AAK1: variants seen among roughly 807,000 people sequenced by gnomAD.
AAK1 encodes the protein AP2 associated kinase 1.
AAK1 carries 37 observed loss-of-function variants against 116.0 expected under a neutral mutation model. The observed-to-expected ratio is 0.32, with a 90% CI of 0.25 to 0.42. AAK1 has a LOEUF of 0.42. Among genes scored for constraint, AAK1 ranks in the 10% least tolerant of loss-of-function variants. The probability of loss-of-function intolerance (pLI) is 1.00; values close to 1 mark genes in which losing one functional copy is unlikely to be tolerated. For missense variants in AAK1, 919 were observed against 1,170.6 expected (o/e 0.79, Z 3.14); for synonymous variants, 458 against 439.9 (o/e 1.04, Z -0.51).
chr2:69,639,928 T>A (rs1166609950), intron 2 of AAK1, among the ~76,000 whole-genome samples: 1 of 151,924 alleles, frequency 6.6e-6, no homozygotes, highest in Non-Finnish European at 1.5e-5. Flanking sequence ...AAAGAACATC[T>A]GGCTCTGTCC....
intron 2 of AAK1, among the ~76,000 whole-genome samples, chr2:69,578,842 C>T (rs1365596922): frequency 2.0e-5 from 3 of 149,152 alleles, no homozygotes; most frequent in African/African-American, 5.0e-5. Flanking sequence ...CTCGCTCTGT[C>T]GCCCAGGCTG....
chr2:69,609,131 G>A (rs1004521961), intron 2 of AAK1, among the ~76,000 whole-genome samples: 1 of 152,200 alleles, frequency 6.6e-6, no homozygotes, highest in Non-Finnish European at 1.5e-5. Context: ...GGAGGCCAAG[G>A]CAGGCGGATC....
chr2:69,587,300 T>A (rs1252200307), intron 2 of AAK1, among the ~76,000 whole-genome samples: 1 of 150,508 alleles, frequency 6.6e-6, no homozygotes, highest in Admixed American at 6.6e-5. Context: ...CACACGTATA[T>A]ACGCATGTAT....
rs1294945023 is a variant in AAK1, at chr2:69,505,594, A to G, written c.2244T>C (p.Ala748=). The G allele has an allele frequency of 1.2e-6, 2 of 1,613,716 alleles. No homozygotes were observed. The highest frequency in any genetic ancestry group is 1.7e-6 in the Non-Finnish European group (2 of 1,179,780). The change falls in exon 16 of 22, where the codon GCT becomes GCC. Residue 748 remains alanine (A), a synonymous_variant. Transcript: ENST00000409085. ...CAGTTCCAGCAGAAAATGAGGTCGTAGCAAAAGCATCACCTTGGGTTGATT... is the reference window on the plus strand; with the variant it reads ...CAGTTCCAGCAGAAAATGAGGTCGTGGCAAAAGCATCACCTTGGGTTGATT... ...GFQSTQGDAF[A]TTSFSAGTAE...
intron 10 of AAK1, among the ~76,000 whole-genome samples, chr2:69,522,153 A>C (rs1669813896): frequency 6.6e-6 from 1 of 152,250 alleles, no homozygotes; most frequent in Non-Finnish European, 1.5e-5. Flanking sequence ...TACCTAACTC[A>C]GATCAGAGTT....
chr2:69,587,012 C>T (rs1672795917), intron 2 of AAK1, among the ~76,000 whole-genome samples: 1 of 152,066 alleles, frequency 6.6e-6, no homozygotes, highest in African/African-American at 2.4e-5. Context: ...TCTTCCATAT[C>T]TTCTGCCTTT....
At chr2:69,482,860 T>G in intron 17 of AAK1, 48 bp from the exon 18 acceptor site, 3 of 1,197,850 alleles carry the variant, frequency 2.5e-6, no homozygotes, top group South Asian at 2.5e-5. Context: ...TAGTAAGATA[T>G]TAAAGCCAGC....
In AAK1 at chr2:69,519,358, T is replaced by C. The variant is rs143380058; in HGVS notation, c.1211-118A>G. On this transcript the variant is annotated intron_variant, in intron 11 of 21. Transcript: ENST00000409085. ...AGTGTGCAGAGTATCTCAAGATTCG[T>C]GTCCTCCTCACTGTCTTTCCACATG... is the stretch of plus-strand genomic sequence containing the variant. 10 of 1,348,354 alleles carry C rather than the reference T, an allele frequency of 7.4e-6. No individual in the cohort carries two copies. The East Asian group carries it at 2.3e-4, about 32-fold the overall frequency. 83.5% of individuals were successfully genotyped at this position (1,348,354 alleles called of 1,614,324 possible). A position where few individuals can be genotyped will look rare whatever the true frequency, so the allele number is the denominator to read the frequency against.
intron 5 of AAK1, among the ~76,000 whole-genome samples, chr2:69,538,387 T>G (rs1229953239): frequency 1.3e-5 from 2 of 152,228 alleles, no homozygotes; most frequent in African/African-American, 4.8e-5. Context: ...CCCACCGACC[T>G]ACTCAGCATC....
intron 2 of AAK1, among the ~76,000 whole-genome samples, chr2:69,569,671 C>A (rs755742359): frequency 1.2e-4 from 18 of 152,104 alleles, no homozygotes; most frequent in Non-Finnish European, 2.2e-4. Context: ...CATAGGCAAC[C>A]GCTGTTCTGA....
chr2:69,641,281 C>T (rs1167455475), intron 2 of AAK1, among the ~76,000 whole-genome samples: 1 of 152,184 alleles, frequency 6.6e-6, no homozygotes, highest in African/African-American at 2.4e-5. Flanking sequence ...TTCTGTGGCC[C>T]TTCGTTTCTC....
chr2:69,612,441 A>G (rs1393978580), intron 2 of AAK1, among the ~76,000 whole-genome samples: 1 of 152,240 alleles, frequency 6.6e-6, no homozygotes, highest in Non-Finnish European at 1.5e-5. Flanking sequence ...TAATTCCAAC[A>G]GGCACTTGCT....
At chr2:69,546,393 T>G (rs1670926085) in intron 3 of AAK1, among the ~76,000 whole-genome samples, 1 of 152,210 alleles carries the variant, frequency 6.6e-6, no homozygotes. Context: ...TAGTGGCCTA[T>G]CCTTCCCTCT....
chr2:69,495,699 C>G (rs1188554312), intron 17 of AAK1, among the ~76,000 whole-genome samples: 1 of 152,106 alleles, frequency 6.6e-6, no homozygotes, highest in Non-Finnish European at 1.5e-5. Context: ...AATACAGAGG[C>G]CCCTCACGTC....
rs1559028981 is a variant in AAK1, at chr2:69,643,205, T to C, written c.-165A>G. Reference sequence around the variant, plus strand: ...GGTGGGGGCTGAGGGAGGATGCCTATAGGAATATGCGTGTCAATCGCGCAG... The same window carrying C: ...GGTGGGGGCTGAGGGAGGATGCCTACAGGAATATGCGTGTCAATCGCGCAG... On this transcript the variant is annotated 5_prime_UTR_variant, in exon 2 of 22. Coordinates refer to ENST00000409085, the MANE Select transcript of AAK1 (RefSeq NM_014911.5). 6.3e-6 allele frequency: 9 copies of C among 1,428,438 alleles called. No individual in the cohort carries two copies. The highest frequency in any genetic ancestry group is 2.5e-5 in the East Asian group (1 of 39,252). 88.5% of individuals were successfully genotyped at this position (1,428,438 alleles called of 1,614,324 possible).
intron 3 of AAK1, among the ~76,000 whole-genome samples, chr2:69,548,477 CCTTT>C (rs1351440557): frequency 4.6e-5 from 7 of 150,564 alleles, no homozygotes; most frequent in East Asian, 1.9e-4. Context: ...TTTCTTTTTT[CCTTT>C]CTTTTTCTTT....
Position 69,505,665 on chromosome 2 carries a change from G to A in AAK1, c.2173C>T (p.Pro725Ser). ...TCAGCTGAGCCTCCAAGCTTCTCGG[G>A]ATGTTTGCCTGGAGAGACAAAACAC... ...DFAKLGEGKH[P>S]EKLGGSAESL... Residue 725 changes from proline to serine, a missense_variant, in exon 16 of 22, where the codon CCC becomes TCC. This residue lies in a region of AAK1 where 263 missense variants were observed against 285.5 expected (regional missense o/e 0.92). Coordinates refer to ENST00000409085, the MANE Select transcript of AAK1 (RefSeq NM_014911.5). The A allele has an allele frequency of 1.2e-6, 2 of 1,613,318 alleles. No individual in the cohort carries two copies. Among genetic ancestry groups the A allele is most frequent in the Non-Finnish European group, 1.7e-6 (2 of 1,179,524 alleles).
chr2:69,504,585 T>C (rs917965367), intron 16 of AAK1, among the ~76,000 whole-genome samples: 1 of 151,948 alleles, frequency 6.6e-6, no homozygotes, highest in African/African-American at 2.4e-5. Context: ...CTGGCCAACA[T>C]GGTGACATCC....
chr2:69,511,742 C>T (rs932416754), intron 13 of AAK1, among the ~76,000 whole-genome samples: 2 of 152,134 alleles, frequency 1.3e-5, no homozygotes, highest in African/African-American at 2.4e-5. Context: ...TGTTTTGTCT[C>T]GAGGTTGATG....
Sources: gnomAD v4.1 joint callset for allele counts (sites outside exome capture counted in the v4.1 genomes callset) on GRCh38, gnomAD v4.1.1 for gene constraint, gnomAD v4.1.1 regional missense constraint, MANE v1.5 for transcripts, NCBI Gene and HGNC (gene_info 2026-07-23, HGNC 2026-07-21) for gene names.